IFNAR2: variants seen among roughly 807,000 people sequenced by gnomAD.
The protein encoded by IFNAR2 is interferon alpha and beta receptor subunit 2.
A neutral mutation model predicts 49.4 loss-of-function variants in IFNAR2; 30 were observed. The ratio of observed to expected loss-of-function variants is 0.61; its 90% confidence interval spans 0.45 to 0.82. The LOEUF is 0.82. Among genes scored for constraint, IFNAR2 ranks in the 40% least tolerant of loss-of-function variants. IFNAR2 has a pLI of 0.00. For synonymous variants in IFNAR2, 224 were observed against 234.5 expected (o/e 0.96, Z 0.41); for missense variants, 600 against 622.7 (o/e 0.96, Z 0.39).
chr21:33,241,191 AT>A (rs963164349), intron 1 of IFNAR2, among the ~76,000 whole-genome samples: 4 of 152,156 alleles, frequency 2.6e-5, no homozygotes, highest in African/African-American at 9.7e-5. Flanking sequence ...CCTTAAATTT[AT>A]TTTTTTAAAA....
chr21:33,246,008 A>G (rs2284551), intron 4 of IFNAR2, among the ~76,000 whole-genome samples: 106,354 of 151,830 alleles, frequency 0.7, 37,750 homozygotes, highest in African/African-American at 0.79. Context: ...CCCATAGAGG[A>G]AGGGAGATCT....
chr21:33,248,681 T>C (rs750293766), intron 5 of IFNAR2, 28 bp from the exon 6 acceptor site: 4 of 1,582,828 alleles, frequency 2.5e-6, no homozygotes, highest in Admixed American at 1.8e-5. Flanking sequence ...CTGTGACATA[T>C]TCCTGTCTGT....
chr21:33,243,192 C>T (rs1178817433), intron 2 of IFNAR2, among the ~76,000 whole-genome samples: 1 of 152,038 alleles, frequency 6.6e-6, no homozygotes, highest in Non-Finnish European at 1.5e-5. Context: ...GAGCTATTCT[C>T]CTGCCTTAGC....
intron 7 of IFNAR2, among the ~76,000 whole-genome samples, chr21:33,256,330 G>A (rs943456883): frequency 2.5e-4 from 38 of 152,116 alleles, no homozygotes; most frequent in African/African-American, 8.2e-4. Flanking sequence ...GTCAAGTACC[G>A]CTCTCTTTAA....
intron 6 of IFNAR2, among the ~76,000 whole-genome samples, chr21:33,251,234 T>C (rs900173569): frequency 1.3e-5 from 2 of 151,706 alleles, no homozygotes; most frequent in African/African-American, 4.8e-5. Flanking sequence ...GCAACCAGCA[T>C]GGTAGGGAGA....
chr21:33,242,011 A>G, intron 2 of IFNAR2, 34 bp downstream of exon 2: 1 of 1,600,682 alleles, frequency 6.2e-7, no homozygotes, highest in Non-Finnish European at 8.5e-7. Flanking sequence ...CTCTTATAGA[A>G]GCAAGCTGTG....
intron 1 of IFNAR2, among the ~76,000 whole-genome samples, chr21:33,234,014 C>T (rs1986253462): frequency 6.6e-6 from 1 of 151,862 alleles, no homozygotes; most frequent in Non-Finnish European, 1.5e-5. Context: ...TTAAAAGATG[C>T]TATGTGAATA....
rs768858626 is a variant in IFNAR2 at position 33,263,035 on chromosome 21, C to A, written c.1083C>A (p.Asp361Glu). 2 of 1,614,134 alleles carry A rather than the reference C, an allele frequency of 1.2e-6. No homozygotes were observed. The highest frequency in any genetic ancestry group is 2.2e-5 in the South Asian group (2 of 91,080). Residue 361 changes from aspartate (D) to glutamate (E), a missense_variant, in exon 9 of 9, where the codon GAC (aspartate) becomes GAA (glutamate). Physicochemically the swap from Asp to Glu is conservative, Grantham distance 45. Coordinates refer to ENST00000342136, the MANE Select transcript of IFNAR2 (RefSeq NM_001289125.3). ...CCTCTACAGAATCCCAGTTGATAGACCCGGAGTCCGAGGAGGAGCCTGACC... is the reference window on the plus strand; with the variant it reads ...CCTCTACAGAATCCCAGTTGATAGAACCGGAGTCCGAGGAGGAGCCTGACC... ...SATSTESQLIDPESEEEPDLP... is the reference protein window; with the variant it reads ...SATSTESQLIEPESEEEPDLP...
intron 4 of IFNAR2, among the ~76,000 whole-genome samples, chr21:33,246,366 G>A (rs1482537685): frequency 1.3e-5 from 2 of 152,142 alleles, no homozygotes; most frequent in African/African-American, 2.4e-5. Flanking sequence ...CACTGCACCC[G>A]GCTCCTCCGG....
chr21:33,251,490 A>G, intron 6 of IFNAR2: 1 of 936,392 alleles, frequency 1.1e-6, no homozygotes, highest in Non-Finnish European at 1.3e-6. Context: ...CTTCCAAGGA[A>G]TTTTTCCAAA....
At chr21:33,232,239 C>T (rs941672015) in intron 1 of IFNAR2, among the ~76,000 whole-genome samples, 1 of 152,122 alleles carries the variant, frequency 6.6e-6, no homozygotes. Flanking sequence ...CAGAGCTTGA[C>T]GGCACTGGCC....
chr21:33,263,412 A>T lies in IFNAR2; in HGVS notation c.1460A>T (p.Glu487Val). ...TQPTFPSPSS[E>V]GLWSEDAPSD... ...CCAACCTTTCCCAGCCCCTCTTCAG[A>T]GGGCCTGTGGTCCGAAGATGCTCCA... The change falls in exon 9 of 9, where the codon GAG (glutamate) becomes GTG (valine). Residue 487 changes from glutamate (E) to valine (V), a missense_variant. Coordinates refer to ENST00000342136, the MANE Select transcript of IFNAR2 (RefSeq NM_001289125.3). The T allele has an allele frequency of 6.2e-7, 1 of 1,614,088 alleles. No homozygotes were observed. Among genetic ancestry groups the T allele is most frequent in the South Asian group, 1.1e-5 (1 of 91,076 alleles).
At chr21:33,243,874 ACT>A (rs1031869750) in intron 3 of IFNAR2, among the ~76,000 whole-genome samples, 160 bp downstream of exon 3, 55 of 152,320 alleles carry the variant, frequency 3.6e-4, no homozygotes, top group Non-Finnish European at 6.2e-4. Flanking sequence ...AAATGAGCTA[ACT>A]CTGGTTTTTT....
At chr21:33,236,288 C>T (rs1986447692) in intron 1 of IFNAR2, among the ~76,000 whole-genome samples, 2 of 152,118 alleles carry the variant, frequency 1.3e-5, no homozygotes, top group South Asian at 4.1e-4. Flanking sequence ...TGTACTTGCA[C>T]CTGACTTCTA....
chr21:33,242,770 T>C lies in IFNAR2; in HGVS notation c.55+793T>C, dbSNP rs1165653614. Among the ~76,000 whole-genome samples the C allele has an allele frequency of 7.6e-3, 101 of 13,344 alleles. 22 individuals carry two copies. Among genetic ancestry groups the C allele is most frequent in the Non-Finnish European group, 0.01 (59 of 5,724 alleles). The allele number at this position is 13,344 out of a possible 152,430, so 8.8% of individuals were successfully genotyped here. On this transcript the variant is annotated intron_variant, in intron 2 of 8. Coordinates refer to ENST00000342136, the MANE Select transcript of IFNAR2 (RefSeq NM_001289125.3). ...AAAATCTCGTGTGCGTGTGTGTGTG[T>C]GTGTGTGTGTGTGTGTGTGTGTGTG...
In IFNAR2 at chr21:33,263,009, A is replaced by C; in HGVS notation, c.1057A>C (p.Thr353Pro). 2 of 1,614,138 alleles carry C rather than the reference A, an allele frequency of 1.2e-6. No individual in the cohort carries two copies. Among genetic ancestry groups the C allele is most frequent in the Non-Finnish European group, 1.7e-6 (2 of 1,179,998 alleles). Residue 353 changes from threonine to proline, a missense_variant, in exon 9 of 9, where the codon ACC becomes CCC. Physicochemically the swap from Thr to Pro is conservative, Grantham distance 38 (BLOSUM62 -1). Coordinates refer to ENST00000342136, the MANE Select transcript of IFNAR2 (RefSeq NM_001289125.3). The stretch of plus-strand genomic sequence containing the variant: ...CAGGCCTCTGGGTCAGGCCTCTGCC[A>C]CCTCTACAGAATCCCAGTTGATAGA... ...TVRPLGQASA[T>P]STESQLIDPE...
intron 1 of IFNAR2, among the ~76,000 whole-genome samples, chr21:33,237,942 C>T (rs2123455213): frequency 6.6e-6 from 1 of 152,204 alleles, no homozygotes; most frequent in African/African-American, 2.4e-5. Context: ...GCAGATAAGC[C>T]ATAGGTCTAC....
At position 33,230,863 on chromosome 21, in the gene IFNAR2, A is replaced by G. The variant is rs939964682; in HGVS notation, c.-84+647A>G. Among the ~76,000 whole-genome samples the G allele has an allele frequency of 3.3e-5, 5 of 152,278 alleles. No homozygotes were observed. Among genetic ancestry groups the G allele is most frequent in the East Asian group, 1.9e-4 (1 of 5,168 alleles). On this transcript the variant is annotated intron_variant, in intron 1 of 8. Transcript: ENST00000342136. This position sits in a 1 kb window ranked among gnomAD's most constrained non-coding sequence, Gnocchi z 5.5. ...GATACTGGGAAGATACTCCGCGAAT[A>G]TGGAGAGGCGATCGGCACTTGCATT...
intron 1 of IFNAR2, among the ~76,000 whole-genome samples, chr21:33,235,601 TG>T (rs1242483552): frequency 2.0e-5 from 3 of 152,154 alleles, no homozygotes; most frequent in Non-Finnish European, 2.9e-5. Flanking sequence ...CAACACGTAA[TG>T]TTTTTTTGTT....
Sources: gnomAD v4.1 joint callset for allele counts (sites outside exome capture counted in the v4.1 genomes callset) on GRCh38, gnomAD v4.1.1 for gene constraint, Gnocchi (gnomAD v3.1) non-coding constraint, MANE v1.5 for transcripts, NCBI Gene and HGNC (gene_info 2026-07-23, HGNC 2026-07-21) for gene names.